Variants in SGCD observed in about 807,000 individuals in gnomAD.
SGCD encodes the protein delta-sarcoglycan.
A neutral mutation model predicts 36.6 loss-of-function variants in SGCD; 18 were observed. The observed-to-expected ratio is 0.49, with a 90% CI of 0.34 to 0.73. SGCD has a LOEUF of 0.73. SGCD is among the 30% of genes least tolerant of loss of function. SGCD has a pLI of 0.01. For missense variants in SGCD, 387 were observed against 346.7 expected (o/e 1.12, Z -0.92); for synonymous variants, 133 against 130.6 (o/e 1.02, Z -0.12).
At chr5:156,180,731 G>C (rs1358702092) in intron 3 of SGCD, among the ~76,000 whole-genome samples, 1 of 152,166 alleles carries the variant, frequency 6.6e-6, no homozygotes, top group Non-Finnish European at 1.5e-5. Context: ...GGGGCTGGAT[G>C]ATTGAGACTT....
intron 3 of SGCD, among the ~76,000 whole-genome samples, chr5:156,188,572 G>A (rs1008971743): frequency 3.3e-5 from 5 of 151,978 alleles, no homozygotes; most frequent in African/African-American, 1.2e-4. Context: ...TGGGCCATTG[G>A]TAGTGTCTAC....
At chr5:155,802,492 T>C in the SGCD span, among the ~76,000 whole-genome samples, 1 of 152,190 alleles carries the variant, frequency 6.6e-6, no homozygotes, top group Non-Finnish European at 1.5e-5. Flanking sequence ...AAGACACTTA[T>C]CTTTATAGCT....
At chr5:155,963,797 A>G (rs1421632366) in intron 1 of SGCD, among the ~76,000 whole-genome samples, 1 of 152,056 alleles carries the variant, frequency 6.6e-6, no homozygotes, top group Non-Finnish European at 1.5e-5. Context: ...ATAAAAGTTT[A>G]GTGTTTTACT....
At chr5:155,853,685 C>T in the SGCD span, among the ~76,000 whole-genome samples, 2 of 151,986 alleles carry the variant, frequency 1.3e-5, no homozygotes, top group East Asian at 3.9e-4. Context: ...GTCAACGTTC[C>T]CAGAGGGATT....
chr5:155,898,254 T>C (rs1454515908), intron 1 of SGCD, among the ~76,000 whole-genome samples: 1 of 152,154 alleles, frequency 6.6e-6, no homozygotes, highest in Non-Finnish European at 1.5e-5. Context: ...ATGGAACATA[T>C]TTTTCTTTAA....
chr5:156,691,492 A>C (rs937099140), intron 7 of SGCD, among the ~76,000 whole-genome samples: 6 of 152,166 alleles, frequency 3.9e-5, no homozygotes, highest in African/African-American at 1.4e-4. Flanking sequence ...GGTTCAGTGG[A>C]CCATACAGTT....
In SGCD at chr5:155,967,015, A is replaced by ATG. The variant is rs140947941; in HGVS notation, c.-282+96603_-282+96604dup. On this transcript the variant is annotated intron_variant, in intron 1 of 9. Transcript: ENST00000517913. ...TGCGTATGTGTGTATTTGTGTGTGT[A>ATG]TGTGTGTGTGTGTCCATCTCCTCCT... is the stretch of plus-strand genomic sequence containing the variant. Among the ~76,000 whole-genome samples the ATG allele has an allele frequency of 3.1e-4, 46 of 149,834 alleles. 1 individual carries two copies. Among genetic ancestry groups the ATG allele is most frequent in the Admixed American group, 1.4e-3 (21 of 14,994 alleles).
At chr5:156,339,788 T>C (rs551129716) in intron 2 of SGCD, among the ~76,000 whole-genome samples, 2 of 152,278 alleles carry the variant, frequency 1.3e-5, no homozygotes, top group South Asian at 4.1e-4. Context: ...ACAACATGAA[T>C]ATATACTTAG....
intron 3 of SGCD, among the ~76,000 whole-genome samples, chr5:156,254,921 C>A (rs912154729): frequency 6.6e-6 from 1 of 152,084 alleles, no homozygotes; most frequent in African/African-American, 2.4e-5. Context: ...TGAGCATCCC[C>A]AGTCTGAAAA....
At chr5:156,736,610 C>CAGAT (rs1183818074) in intron 7 of SGCD, among the ~76,000 whole-genome samples, 2 of 152,050 alleles carry the variant, frequency 1.3e-5, no homozygotes, top group African/African-American at 4.8e-5. Flanking sequence ...ACTTTGAAGC[C>CAGAT]AGATAGTCCT....
chr5:155,925,931 T>G (rs244956), intron 1 of SGCD, among the ~76,000 whole-genome samples: 68,578 of 151,800 alleles, frequency 0.45, 17,100 homozygotes, highest in Non-Finnish European at 0.58. Flanking sequence ...CTTTTTTTTT[T>G]TTGTTTTGTT....
In SGCD at chr5:155,875,668, T is replaced by C. The variant is rs866209394; in HGVS notation, c.-282+5244T>C. ...ACTTTTTTTTTTTTTTTAGTTGTTA[T>C]GGTATTTTTACCCCCTCTTTATAGC... is the stretch of plus-strand genomic sequence containing the variant. On this transcript the variant is annotated intron_variant, in intron 1 of 9. Coordinates refer to the SGCD transcript ENST00000517913. Among the ~76,000 whole-genome samples, 35 of 151,974 alleles carry C rather than the reference T, an allele frequency of 2.3e-4. No individual in the cohort carries two copies. In the Middle Eastern group the frequency reaches 0.014, roughly 59 times the overall value.
the SGCD span, among the ~76,000 whole-genome samples, chr5:155,853,028 G>T: frequency 4.0e-5 from 6 of 149,606 alleles, no homozygotes; most frequent in African/African-American, 1.5e-4. Flanking sequence ...CATTTCCATA[G>T]GCTAAATATC....
intron 7 of SGCD, among the ~76,000 whole-genome samples, chr5:156,728,126 A>G (rs1755868291): frequency 6.6e-6 from 1 of 152,218 alleles, no homozygotes; most frequent in African/African-American, 2.4e-5. Context: ...GATAATCAGA[A>G]ACAGAGAAGA....
chr5:156,529,490 T>C (rs1757792016), intron 4 of SGCD, among the ~76,000 whole-genome samples: 1 of 151,782 alleles, frequency 6.6e-6, no homozygotes, highest in Non-Finnish European at 1.5e-5. Flanking sequence ...TCTTTGTTTT[T>C]CTTCACTCCT....
chr5:155,940,462 G>A (rs1240350116), intron 1 of SGCD, among the ~76,000 whole-genome samples: 1 of 152,086 alleles, frequency 6.6e-6, no homozygotes, highest in African/African-American at 2.4e-5. Flanking sequence ...AATTCTCTTT[G>A]GTAAAGAAGA....
At chr5:156,554,246 T>A (rs1758913064) in intron 4 of SGCD, among the ~76,000 whole-genome samples, 1 of 151,912 alleles carries the variant, frequency 6.6e-6, no homozygotes, top group Non-Finnish European at 1.5e-5. Context: ...TCTCAGCTAC[T>A]TGGGAGGCTG....
chr5:156,215,115 A>G (rs952337731), intron 3 of SGCD, among the ~76,000 whole-genome samples: 4 of 152,104 alleles, frequency 2.6e-5, no homozygotes, highest in African/African-American at 9.6e-5. Context: ...TTTGGATCTT[A>G]GAATGTGGGA....
the SGCD span, among the ~76,000 whole-genome samples, chr5:155,769,452 A>AT: frequency 6.6e-6 from 1 of 151,664 alleles, no homozygotes; most frequent in Admixed American, 6.6e-5. Context: ...AAAAAAAAAA[A>AT]TTTGGAAGGG....
Sources: allele counts gnomAD v4.1 joint callset (sites outside exome capture counted in the v4.1 genomes callset), GRCh38; gene constraint gnomAD v4.1.1; transcripts MANE v1.5; gene names NCBI Gene and HGNC (gene_info 2026-07-23, HGNC 2026-07-21).